Variants in AUTS2 observed in about 807,000 individuals in gnomAD.
AUTS2 encodes the protein activator of transcription and developmental regulator AUTS2, also known as autism susceptibility gene 2 protein.
A neutral mutation model predicts 112.4 loss-of-function variants in AUTS2; 17 were observed. The observed-to-expected ratio is 0.15, with a 90% CI of 0.10 to 0.23. The LOEUF is 0.23. Ranked by LOEUF, AUTS2 falls within the 10% of genes least tolerant of loss-of-function variation. The pLI is 1.00. For missense variants in AUTS2, 1,510 were observed against 1,701.6 expected, an observed-to-expected ratio of 0.89 and a Z score of 1.98; for synonymous variants, 751 against 702.7, an observed-to-expected ratio of 1.07 and a Z score of -1.09.
At chr7:70,732,635 C>A (rs910245678) in intron 6 of AUTS2, among the ~76,000 whole-genome samples, 1 of 152,168 alleles carries the variant, frequency 6.6e-6, no homozygotes, top group South Asian at 2.1e-4. Context: ...CTCATTGAAC[C>A]CACTTAATCT....
intron 5 of AUTS2, among the ~76,000 whole-genome samples, chr7:70,466,411 T>C (rs1027346847): frequency 6.6e-6 from 1 of 152,374 alleles, no homozygotes; most frequent in East Asian, 1.9e-4. Flanking sequence ...TATCTGTTAT[T>C]CATGCATTCA....
intron 1 of AUTS2, among the ~76,000 whole-genome samples, chr7:69,782,478 T>G (rs893886900): frequency 6.6e-6 from 1 of 152,194 alleles, no homozygotes; most frequent in East Asian, 1.9e-4. Flanking sequence ...GAAGATGGAT[T>G]TCAGACCACA....
intron 2 of AUTS2, among the ~76,000 whole-genome samples, chr7:69,907,724 C>T (rs1207420038): frequency 1.3e-5 from 2 of 152,168 alleles, no homozygotes; most frequent in African/African-American, 4.8e-5. Context: ...TTACATATAA[C>T]TTTGTTTCTT....
At chr7:70,299,994 T>C (rs959136618) in intron 4 of AUTS2, among the ~76,000 whole-genome samples, 3 of 152,210 alleles carry the variant, frequency 2.0e-5, no homozygotes, top group African/African-American at 7.2e-5. Context: ...GCCTTGCTTA[T>C]AAAGAAAAAT....
chr7:69,888,540 GATAT>G (rs60804022), intron 1 of AUTS2, among the ~76,000 whole-genome samples: 6,442 of 99,164 alleles, frequency 0.065, 202 homozygotes, highest in South Asian at 0.13. Flanking sequence ...CAACATTGGG[GATAT>G]ATATATATAT....
chr7:70,439,293 A>G (rs993195139), intron 5 of AUTS2, among the ~76,000 whole-genome samples: 4 of 152,124 alleles, frequency 2.6e-5, no homozygotes, highest in Non-Finnish European at 5.9e-5. Flanking sequence ...TAATCCCAAC[A>G]CTTTGGGAGG....
chr7:69,755,847 A>G (rs1787923713), intron 1 of AUTS2, among the ~76,000 whole-genome samples: 1 of 152,142 alleles, frequency 6.6e-6, no homozygotes, highest in Non-Finnish European at 1.5e-5. Flanking sequence ...TAGAGGAACT[A>G]TTAATACATT....
chr7:70,547,465 G>A (rs1310372455), intron 5 of AUTS2, among the ~76,000 whole-genome samples: 1 of 152,172 alleles, frequency 6.6e-6, no homozygotes, highest in African/African-American at 2.4e-5. Context: ...ATGTTGGCCA[G>A]GATGGTCTCG....
chr7:69,910,869 G>T (rs567268715), intron 2 of AUTS2, among the ~76,000 whole-genome samples: 2 of 152,066 alleles, frequency 1.3e-5, no homozygotes, highest in Admixed American at 6.5e-5. Context: ...CTCGTGATCC[G>T]CCCGCCTCGG....
intron 5 of AUTS2, among the ~76,000 whole-genome samples, chr7:70,490,891 C>G (rs1049203114): frequency 3.9e-5 from 6 of 152,194 alleles, no homozygotes; most frequent in Admixed American, 3.3e-4. Flanking sequence ...AAGATTAAGT[C>G]TGAATATTCA....
chr7:70,332,477 G>A (rs1790799500), intron 4 of AUTS2, among the ~76,000 whole-genome samples: 1 of 152,088 alleles, frequency 6.6e-6, no homozygotes, highest in African/African-American at 2.4e-5. Context: ...AATTTCATAT[G>A]GAACCAAAAA....
At chr7:70,027,123 G>A (rs1800556481) in intron 2 of AUTS2, among the ~76,000 whole-genome samples, 1 of 152,102 alleles carries the variant, frequency 6.6e-6, no homozygotes, top group Non-Finnish European at 1.5e-5. Context: ...CTCGGCTAAG[G>A]TCAGGTGTAT....
chr7:69,942,279 A>G (rs1312754592), intron 2 of AUTS2, among the ~76,000 whole-genome samples: 1 of 152,180 alleles, frequency 6.6e-6, no homozygotes, highest in African/African-American at 2.4e-5. Flanking sequence ...GGCACTCAGT[A>G]AATCTTAGGA....
Position 70,164,556 on chromosome 7 carries a change from C to T in AUTS2, c.660+29985C>T, listed in dbSNP as rs142277697. Among the ~76,000 whole-genome samples the T allele has an allele frequency of 3.0e-3, 464 of 152,156 alleles. 2 individuals carry two copies. Among genetic ancestry groups the T allele is most frequent in the Admixed American group, 5.4e-3 (83 of 15,280 alleles). On this transcript the variant is annotated intron_variant, in intron 4 of 18. Transcript: ENST00000342771. The stretch of plus-strand genomic sequence containing the variant: ...TAAAAAATTTTTTTGATGTTTTTCT[C>T]ATGATTAGACCCTCAGTTGGCCTCT...
intron 2 of AUTS2, among the ~76,000 whole-genome samples, chr7:70,082,840 T>C (rs1003239761): frequency 3.9e-5 from 6 of 152,232 alleles, no homozygotes; most frequent in African/African-American, 1.4e-4. Context: ...ATTTTGTATA[T>C]AAGGTCACCA....
chr7:70,535,440 A>T (rs1297671818), intron 5 of AUTS2, among the ~76,000 whole-genome samples: 3 of 152,034 alleles, frequency 2.0e-5, no homozygotes, highest in Non-Finnish European at 4.4e-5. Context: ...TTTGAGACGG[A>T]GTCTCACTCT....
intron 1 of AUTS2, among the ~76,000 whole-genome samples, chr7:69,644,348 C>T (rs529173392): frequency 6.6e-6 from 1 of 151,158 alleles, no homozygotes; most frequent in East Asian, 1.9e-4. Context: ...TCTTCCAGGA[C>T]AAAAGTGATC....
intron 12 of AUTS2, chr7:70,774,338 C>A (rs1339417245): frequency 7.8e-6 from 4 of 513,878 alleles, no homozygotes; most frequent in African/African-American, 1.9e-5. Flanking sequence ...GAATGAGTTA[C>A]GGTCTGAGCC....
At chr7:69,933,011 G>A (rs1305205148) in intron 2 of AUTS2, among the ~76,000 whole-genome samples, 1 of 152,198 alleles carries the variant, frequency 6.6e-6, no homozygotes, top group Non-Finnish European at 1.5e-5. Context: ...TTCAAGGATG[G>A]ATTTGGAAAT....
Sources: gnomAD v4.1 joint callset for allele counts (sites outside exome capture counted in the v4.1 genomes callset) on GRCh38, gnomAD v4.1.1 for gene constraint, MANE v1.5 for transcripts, NCBI Gene and HGNC (gene_info 2026-07-23, HGNC 2026-07-21) for gene names.